The following PCBP3 variants were observed in gnomAD, a reference collection of about 807,000 sequenced individuals.
PCBP3 encodes poly(rC) binding protein 3, also known as poly(rC)-binding protein 3.
PCBP3 carries 25 observed loss-of-function variants against 52.7 expected under a neutral mutation model. The observed-to-expected ratio is 0.47, with a 90% CI of 0.35 to 0.66. The LOEUF is 0.66. Ranked by LOEUF, PCBP3 falls within the 30% of genes least tolerant of loss-of-function variation. PCBP3 has a pLI of 0.01. For synonymous variants in PCBP3, 162 were observed against 183.0 expected, an observed-to-expected ratio of 0.89 and a Z score of 0.93; for missense variants, 391 against 490.3, an observed-to-expected ratio of 0.80 and a Z score of 1.91.
chr21:45,697,576 C>T (rs914521007), intron 2 of PCBP3, among the ~76,000 whole-genome samples: 2 of 151,898 alleles, frequency 1.3e-5, no homozygotes, highest in Admixed American at 1.3e-4. Flanking sequence ...GAGATATCAC[C>T]TCTACAAAAA....
At chr21:45,647,245 C>T (rs2079376814) in intron 1 of PCBP3, among the ~76,000 whole-genome samples, 1 of 152,186 alleles carries the variant, frequency 6.6e-6, no homozygotes, top group South Asian at 2.1e-4. Context: ...CTTTTGTTGA[C>T]AGAAACTCAG....
At chr21:45,729,481 C>T (rs2085298618) in intron 2 of PCBP3, among the ~76,000 whole-genome samples, 1 of 152,134 alleles carries the variant, frequency 6.6e-6, no homozygotes, top group African/African-American at 2.4e-5. Flanking sequence ...GACTGTTTTC[C>T]ACCCTAGCAG....
chr21:45,909,595 C>T, intron 10 of PCBP3, 109 bp downstream of exon 10: 1 of 1,056,072 alleles, frequency 9.5e-7, no homozygotes, highest in Non-Finnish European at 1.4e-6. Context: ...GTCTGCAAGC[C>T]CAATGCTGGC....
Position 45,656,218 on chromosome 21 carries a change from C to T in PCBP3, c.-279+12350C>T, listed in dbSNP as rs1000242978. On this transcript the variant is annotated intron_variant, in intron 1 of 17. Coordinates refer to ENST00000681687, the MANE Select transcript of PCBP3 (RefSeq NM_001384156.1). The surrounding 1 kb of genome is among the most constrained non-coding windows in gnomAD (Gnocchi z 4.3). ...CATATGTTTATTGCAGCATTGTTCA[C>T]GATAGCAAAGACTTGGAACCCACCC... Among the ~76,000 whole-genome samples the T allele has an allele frequency of 4.6e-5, 7 of 152,084 alleles. No homozygotes were observed. The highest frequency in any genetic ancestry group is 1.9e-4 in the East Asian group (1 of 5,206).
At chr21:45,892,012 A>AG (rs1337794154) in intron 5 of PCBP3, among the ~76,000 whole-genome samples, 3 of 152,186 alleles carry the variant, frequency 2.0e-5, no homozygotes, top group African/African-American at 7.2e-5. Context: ...ATCTAATGTA[A>AG]GGGGGGTTTA....
chr21:45,879,513 C>A (rs2095350056), intron 5 of PCBP3, among the ~76,000 whole-genome samples: 1 of 152,144 alleles, frequency 6.6e-6, no homozygotes, highest in Admixed American at 6.5e-5. Flanking sequence ...CCACAGTACA[C>A]GTGGTTTTTA....
intron 13 of PCBP3, among the ~76,000 whole-genome samples, chr21:45,923,980 G>A (rs868659787): frequency 3.1e-5 from 3 of 97,038 alleles, no homozygotes; most frequent in East Asian, 2.3e-4. Context: ...GGGAACAGTC[G>A]AGTGGATAGA....
chr21:45,825,422 G>A (rs933142296), intron 4 of PCBP3, among the ~76,000 whole-genome samples: 3 of 152,098 alleles, frequency 2.0e-5, no homozygotes, highest in Non-Finnish European at 4.4e-5. Flanking sequence ...GGACCTGAGC[G>A]CTCAGCTGGC....
At chr21:45,792,160 T>G (rs1448703154) in intron 4 of PCBP3, among the ~76,000 whole-genome samples, 5 of 152,292 alleles carry the variant, frequency 3.3e-5, no homozygotes, top group Admixed American at 3.3e-4. Flanking sequence ...GTGTTGAGAT[T>G]AATCTTACCA....
At chr21:45,929,303 C>G (rs2149482648) in intron 13 of PCBP3, among the ~76,000 whole-genome samples, 1 of 152,280 alleles carries the variant, frequency 6.6e-6, no homozygotes, top group Non-Finnish European at 1.5e-5. Flanking sequence ...CACTAGTGTT[C>G]TGTAATCCCA....
rs1289657807 is a variant in PCBP3, at chr21:45,736,212, C to G, written c.-162+783C>G. On this transcript the variant is annotated intron_variant, in intron 3 of 17. Coordinates refer to ENST00000681687, the MANE Select transcript of PCBP3 (RefSeq NM_001384156.1). This position sits in a 1 kb window ranked among gnomAD's most constrained non-coding sequence, Gnocchi z 4.6. The stretch of plus-strand genomic sequence containing the variant: ...CCATAGAATCACTCCCTTCTTCCTC[C>G]CAGTGCCCCTTTGAGATAGGGATTG... Among the ~76,000 whole-genome samples the G allele has an allele frequency of 2.0e-5, 3 of 152,210 alleles. No homozygotes were observed. Among genetic ancestry groups the G allele is most frequent in the Non-Finnish European group, 4.4e-5 (3 of 68,038 alleles).
chr21:45,907,540 T>G (rs2096241531), intron 9 of PCBP3, among the ~76,000 whole-genome samples: 1 of 152,184 alleles, frequency 6.6e-6, no homozygotes, highest in Non-Finnish European at 1.5e-5. Context: ...GTTTTAGGGG[T>G]GGCATTTAGG....
chr21:45,895,273 G>A (rs545060648), intron 5 of PCBP3, among the ~76,000 whole-genome samples: 5 of 152,318 alleles, frequency 3.3e-5, no homozygotes, highest in Admixed American at 1.3e-4. Flanking sequence ...ACCCATAGCC[G>A]CCTCTTCTGT....
At chr21:45,761,850 CCACCGCAA>C (rs139150833) in intron 4 of PCBP3, 3,475 of 152,482 alleles carry the variant, frequency 0.023, 48 homozygotes, top group Non-Finnish European at 0.031. Context: ...ACCACCACTG[CCACCGCAA>C]CCAGGGAGGA....
intron 2 of PCBP3, among the ~76,000 whole-genome samples, chr21:45,702,447 A>G (rs1471273711): frequency 6.6e-6 from 1 of 152,234 alleles, no homozygotes; most frequent in African/African-American, 2.4e-5. Flanking sequence ...AGACCACCAC[A>G]ATAAAGCAAA....
chr21:45,923,532 C>T (rs2074777017), intron 13 of PCBP3, among the ~76,000 whole-genome samples: 1 of 152,212 alleles, frequency 6.6e-6, no homozygotes, highest in African/African-American at 2.4e-5. Flanking sequence ...CCAGCTTGCC[C>T]TTCTCAGAAC....
intron 13 of PCBP3, among the ~76,000 whole-genome samples, chr21:45,925,551 C>CG (rs2075287550): frequency 6.6e-6 from 1 of 151,434 alleles, no homozygotes; most frequent in South Asian, 2.1e-4. Context: ...AATAGGCAAG[C>CG]AAACAAGCAA....
At position 45,791,359 on chromosome 21, in the gene PCBP3, G is replaced by A. The variant is rs1409171919; in HGVS notation, c.-126+35907G>A. On this transcript the variant is annotated intron_variant, in intron 4 of 17. Coordinates refer to ENST00000681687, the MANE Select transcript of PCBP3 (RefSeq NM_001384156.1). The surrounding 1 kb of genome is among the most constrained non-coding windows in gnomAD (Gnocchi z 4.2). ...GGTCACTGGTGTGTGTGGCCTGCCT[G>A]TGGTCTGGTCTGGTGTACACTGAGT... Among the ~76,000 whole-genome samples, 1 of 152,212 alleles carries A rather than the reference G, an allele frequency of 6.6e-6. No homozygotes were observed. The highest frequency in any genetic ancestry group is 6.5e-5 in the Admixed American group (1 of 15,280).
chr21:45,833,854 C>T (rs1348714993), intron 4 of PCBP3, among the ~76,000 whole-genome samples: 1 of 152,228 alleles, frequency 6.6e-6, no homozygotes, highest in Non-Finnish European at 1.5e-5. Flanking sequence ...GGCAGGAGCT[C>T]AGGGAACACC....
Sources: allele counts gnomAD v4.1 joint callset (sites outside exome capture counted in the v4.1 genomes callset), GRCh38; gene constraint gnomAD v4.1.1; non-coding constraint Gnocchi (gnomAD v3.1); transcripts MANE v1.5; gene names NCBI Gene and HGNC (gene_info 2026-07-23, HGNC 2026-07-21).